Variants in NXPH1 observed in about 807,000 individuals in gnomAD.
NXPH1 encodes the protein neurexophilin-1.
In NXPH1, 5 loss-of-function variants were observed where a neutral mutation model predicts 23.7. The ratio of observed to expected loss-of-function variants is 0.21; its 90% CI spans 0.11 to 0.44. The LOEUF (loss-of-function observed/expected upper bound fraction) is 0.44, where lower values mean the gene tolerates loss of function less well. Among genes scored for constraint, NXPH1 ranks in the 20% least tolerant of loss-of-function variants. NXPH1 has a pLI of 0.99. For synonymous variants in NXPH1, 144 were observed against 122.2 expected, an observed-to-expected ratio of 1.18 and a Z score of -1.18; for missense variants, 324 against 321.6, an observed-to-expected ratio of 1.01 and a Z score of -0.06.
intron 2 of NXPH1, among the ~76,000 whole-genome samples, chr7:8,524,330 C>A (rs536827532): frequency 6.6e-6 from 1 of 150,806 alleles, no homozygotes; most frequent in African/African-American, 2.4e-5. Context: ...AAATCTTGGT[C>A]AATATATATC....
intron 2 of NXPH1, among the ~76,000 whole-genome samples, chr7:8,525,211 A>G (rs182260543): frequency 6.6e-5 from 10 of 152,334 alleles, no homozygotes; most frequent in Admixed American, 5.9e-4. Flanking sequence ...ATGTTTTAGC[A>G]AAGAGACTGG....
intron 2 of NXPH1, among the ~76,000 whole-genome samples, chr7:8,479,508 A>G (rs975967457): frequency 1.4e-4 from 22 of 152,156 alleles, no homozygotes; most frequent in Non-Finnish European, 2.9e-4. Flanking sequence ...ATAAATGTAT[A>G]TCTTTGTATA....
chr7:8,721,365 T>C (rs2115206934), intron 2 of NXPH1, among the ~76,000 whole-genome samples: 1 of 152,262 alleles, frequency 6.6e-6, no homozygotes, highest in East Asian at 1.9e-4. Flanking sequence ...TTTTGTAAAT[T>C]GGAAATTATA....
chr7:8,596,634 A>G lies in NXPH1; in HGVS notation c.55-154374A>G, dbSNP rs1234732133. On this transcript the variant is annotated intron_variant, in intron 2 of 2. Transcript: ENST00000405863. The stretch of plus-strand genomic sequence containing the variant: ...CATTTACTATGCTAAAGCTTTATAG[A>G]AATCAGATTTTCTAATAATCCTGAT... Among the ~76,000 whole-genome samples, 3 of 152,260 alleles carry G rather than the reference A, an allele frequency of 2.0e-5. No individual in the cohort carries two copies. In the East Asian group the frequency reaches 5.8e-4, roughly 29 times the overall value.
chr7:8,650,030 G>GGTCC (rs1554263327), intron 2 of NXPH1, among the ~76,000 whole-genome samples: 1 of 72,176 alleles, frequency 1.4e-5, no homozygotes, highest in Non-Finnish European at 3.2e-5. Flanking sequence ...TCTACTTGGA[G>GGTCC]GTCTGTATCA....
chr7:8,586,494 G>C (rs1185617399), intron 2 of NXPH1, among the ~76,000 whole-genome samples: 2 of 152,056 alleles, frequency 1.3e-5, no homozygotes, highest in South Asian at 2.1e-4. Context: ...GATGGTCAGA[G>C]AAGTTTCCAA....
At chr7:8,444,619 C>CA (rs1816364758) in intron 2 of NXPH1, among the ~76,000 whole-genome samples, 1 of 152,204 alleles carries the variant, frequency 6.6e-6, no homozygotes. Flanking sequence ...CAGGTGTCTT[C>CA]GCAGTTACCT....
intron 2 of NXPH1, among the ~76,000 whole-genome samples, chr7:8,505,853 T>G (rs914574544): frequency 2.0e-5 from 3 of 152,096 alleles, no homozygotes; most frequent in Non-Finnish European, 4.4e-5. Context: ...AACTTTGTTG[T>G]GCATAAAAAC....
intron 2 of NXPH1, among the ~76,000 whole-genome samples, chr7:8,497,294 T>G (rs9720049): frequency 6.6e-6 from 1 of 152,074 alleles, no homozygotes; most frequent in African/African-American, 2.4e-5. Flanking sequence ...CAAGTCTTTG[T>G]TATTGTGAAT....
intron 2 of NXPH1, among the ~76,000 whole-genome samples, chr7:8,685,778 G>A (rs1821137081): frequency 6.6e-6 from 1 of 151,854 alleles, no homozygotes; most frequent in East Asian, 1.9e-4. Context: ...CCTGGGAAGG[G>A]TAGTGAGGGA....
At chr7:8,597,415 T>A (rs1028958308) in intron 2 of NXPH1, among the ~76,000 whole-genome samples, 3 of 151,978 alleles carry the variant, frequency 2.0e-5, no homozygotes, top group African/African-American at 7.2e-5. Flanking sequence ...AGAGCACCTG[T>A]GTTAGGGAAT....
chr7:8,747,442 G>A (rs1780489653), intron 2 of NXPH1, among the ~76,000 whole-genome samples: 1 of 152,092 alleles, frequency 6.6e-6, no homozygotes, highest in Non-Finnish European at 1.5e-5. Context: ...GGTAAATTGA[G>A]CTGTAAATCC....
In NXPH1 at chr7:8,435,758, C is replaced by A; in HGVS notation, c.45C>A (p.Thr15=). 6.2e-7 allele frequency: 1 copy of A among 1,613,912 alleles called. No homozygotes were observed. Among genetic ancestry groups the A allele is most frequent in the African/African-American group, 1.3e-5 (1 of 75,014 alleles). ...CWYVLFLLQP[T]VYLVTCANLT... The stretch of plus-strand genomic sequence containing the variant: ...ACGTGCTTTTCCTCCTGCAGCCCAC[C>A]GTCTACTTGGTAAGTCTTGGAAGGT... The change falls in exon 2 of 3, where the codon ACC becomes ACA. Residue 15 remains threonine, a synonymous_variant. Transcript: ENST00000405863. The surrounding 1 kb of genome is among the most constrained non-coding windows in gnomAD (Gnocchi z 5.9).
intron 2 of NXPH1, among the ~76,000 whole-genome samples, chr7:8,527,609 G>C (rs1351185998): frequency 6.6e-6 from 1 of 152,184 alleles, no homozygotes; most frequent in Non-Finnish European, 1.5e-5. Flanking sequence ...AATTAGTATA[G>C]GTGTTCCATA....
chr7:8,732,449 C>G (rs1187837029), intron 2 of NXPH1, among the ~76,000 whole-genome samples: 1 of 152,156 alleles, frequency 6.6e-6, no homozygotes, highest in East Asian at 1.9e-4. Flanking sequence ...ATATAATAGC[C>G]TTGTTATGGA....
chr7:8,595,691 T>G (rs955434290), intron 2 of NXPH1, among the ~76,000 whole-genome samples: 2 of 151,988 alleles, frequency 1.3e-5, no homozygotes, highest in African/African-American at 4.8e-5. Context: ...TGACTATATT[T>G]TAGTTGAGCT....
intron 2 of NXPH1, among the ~76,000 whole-genome samples, chr7:8,489,998 C>T (rs192417570): frequency 1.4e-3 from 220 of 152,136 alleles, no homozygotes; most frequent in African/African-American, 4.9e-3. Flanking sequence ...TCAAGTTCTG[C>T]GGTATCTTCA....
At chr7:8,554,322 G>A (rs768635046) in intron 2 of NXPH1, among the ~76,000 whole-genome samples, 13 of 151,562 alleles carry the variant, frequency 8.6e-5, no homozygotes, top group Non-Finnish European at 1.6e-4. Context: ...CCAAACCTGG[G>A]GATGATGCAC....
chr7:8,435,531 C>T lies in NXPH1; in HGVS notation c.-110-73C>T. 1 of 596,920 alleles carries T rather than the reference C, an allele frequency of 1.7e-6. No individual in the cohort carries two copies. The highest frequency in any genetic ancestry group is 3.0e-6 in the Non-Finnish European group (1 of 330,344). 37.0% of individuals were successfully genotyped at this position (596,920 alleles called of 1,614,324 possible). On this transcript the variant is annotated intron_variant, in intron 1 of 2. Coordinates refer to ENST00000405863, the MANE Select transcript of NXPH1 (RefSeq NM_152745.3). This position sits in a 1 kb window ranked among gnomAD's most constrained non-coding sequence, Gnocchi z 5.9. ...GGTCCCCCACTCCCCGCTACGACCC[C>T]CTTTCCCCGCTTGATTGTCAAGCCT...
Sources: allele counts gnomAD v4.1 joint callset (sites outside exome capture counted in the v4.1 genomes callset), GRCh38; gene constraint gnomAD v4.1.1; non-coding constraint Gnocchi (gnomAD v3.1); transcripts MANE v1.5; gene names NCBI Gene and HGNC (gene_info 2026-07-23, HGNC 2026-07-21).